The following RFLNA variants were observed in gnomAD, a reference collection of about 807,000 sequenced individuals.
The protein encoded by RFLNA is refilin-A.
Under a neutral mutation model 7.8 loss-of-function variants are expected in RFLNA, and 5 were observed. The observed-to-expected ratio is 0.64, with a 90% CI of 0.34 to 1.35. RFLNA has a LOEUF of 1.35. RFLNA is among the 40% of genes most tolerant of loss of function. RFLNA has a pLI of 0.04. For missense variants in RFLNA, 278 were observed against 305.5 expected, an observed-to-expected ratio of 0.91 and a Z score of 0.67; for synonymous variants, 141 against 131.3, an observed-to-expected ratio of 1.07 and a Z score of -0.50.
At chr12:124,308,733 T>C (rs2034181744) in intron 1 of RFLNA, among the ~76,000 whole-genome samples, 1 of 152,192 alleles carries the variant, frequency 6.6e-6, no homozygotes, top group Non-Finnish European at 1.5e-5. Flanking sequence ...CCTGAGTGGC[T>C]CTGGGAGGAG....
rs1001651994 is a variant in RFLNA at position 124,307,507 on chromosome 12, C to T, written c.208-4311C>T. On this transcript the variant is annotated intron_variant, in intron 1 of 2. Transcript: ENST00000546355. Reference sequence around the variant, plus strand: ...GGTCACAGCTGTGCCGTCGCCTTGCCTGGCTGACACCTGCTTAGCCCCTCT... The same window carrying T: ...GGTCACAGCTGTGCCGTCGCCTTGCTTGGCTGACACCTGCTTAGCCCCTCT... 3.3e-5 allele frequency among the ~76,000 whole-genome samples: 5 copies of T among 152,208 alleles called. No individual in the cohort carries two copies. The South Asian group carries it at 6.2e-4, about 19-fold the overall frequency.
chr12:124,314,469 C>A lies in RFLNA; in HGVS notation c.595C>A (p.Gln199Lys), dbSNP rs2034313247. ...RPSRWFTASV[Q>K]LQLCQDPAPS... Reference sequence around the variant, plus strand: ...CAGCCGCTGGTTCACCGCCAGCGTGCAGCTGCAGCTTTGCCAGGACCCTGC... The same window carrying A: ...CAGCCGCTGGTTCACCGCCAGCGTGAAGCTGCAGCTTTGCCAGGACCCTGC... Residue 199 changes from glutamine (Q) to lysine (K), a missense_variant, in exon 3 of 3, where the codon CAG (glutamine) becomes AAG (lysine). Gln to Lys is a moderately conservative substitution (Grantham distance 53). Coordinates refer to ENST00000546355, the MANE Select transcript of RFLNA (RefSeq NM_001365156.1). 1 of 1,599,018 alleles carries A rather than the reference C, an allele frequency of 6.3e-7. No homozygotes were observed. Among genetic ancestry groups the A allele is most frequent in the Non-Finnish European group, 8.5e-7 (1 of 1,179,286 alleles).
chr12:124,296,141 C>CTTTCTTTCTTTCTTTCTTTTT (rs1310025934), intron 1 of RFLNA, among the ~76,000 whole-genome samples: 1 of 496 alleles, frequency 2.0e-3, no homozygotes, highest in African/African-American at 2.4e-3. Flanking sequence ...TCTCTCTCTT[C>CTTTCTTTCTTTCTTTCTTTTT]TTCTCTTCTC....
rs1271180975 is a variant in RFLNA, at chr12:124,295,522, C to T, written c.93C>T (p.Pro31=). 2 of 1,261,396 alleles carry T rather than the reference C, an allele frequency of 1.6e-6. No individual in the cohort carries two copies. Among genetic ancestry groups the T allele is most frequent in the Non-Finnish European group, 2.0e-6 (2 of 1,004,600 alleles). The allele number at this position is 1,261,396 out of a possible 1,614,324, so 78.1% of individuals were successfully genotyped here. Residue 31 remains proline, a synonymous_variant, in exon 1 of 3, where the codon CCC becomes CCT. Transcript: ENST00000546355. ...GLLDSPDSGL[P]PSPSPSPPFY... Reference sequence around the variant, plus strand: ...TGGACAGCCCCGACTCCGGGCTGCCCCCCAGCCCCAGCCCCAGCCCGCCCT... The same window carrying T: ...TGGACAGCCCCGACTCCGGGCTGCCTCCCAGCCCCAGCCCCAGCCCGCCCT...
intron 1 of RFLNA, among the ~76,000 whole-genome samples, chr12:124,304,497 G>A (rs375547710): frequency 5.9e-5 from 9 of 152,224 alleles, no homozygotes; most frequent in Non-Finnish European, 7.3e-5. Context: ...GAGCGGGACC[G>A]GGCGGAAAGG....
intron 1 of RFLNA, among the ~76,000 whole-genome samples, chr12:124,302,305 A>G (rs527474948): frequency 2.4e-4 from 36 of 152,212 alleles, no homozygotes; most frequent in African/African-American, 8.7e-4. Context: ...CCATCTCAGG[A>G]GGGAGCCCAG....
At position 124,314,195 on chromosome 12, in the gene RFLNA, CA is replaced by C; in HGVS notation, c.323del (p.Asn108ThrfsTer46). On this transcript the variant is annotated frameshift_variant, in exon 3 of 3. Transcript: ENST00000546355. LOFTEE classifies it low-confidence loss of function (END_TRUNC). Reference sequence around the variant, plus strand: ...GCTTCCCTCCTGCCCTTTCCAGCTGCAACTCTGAGGTCAAGTACGCCTCGGA... The same window carrying C: ...GCTTCCCTCCTGCCCTTTCCAGCTGCACTCTGAGGTCAAGTACGCCTCGGA... ...NPEPTHEIRCNSEVKYASEKH... is the reference protein window; with the variant it reads ...NPEPTHEIRCXSEVKYASEKH... 6.2e-7 allele frequency: 1 copy of C among 1,609,292 alleles called. No homozygotes were observed. Among genetic ancestry groups the C allele is most frequent in the Non-Finnish European group, 8.5e-7 (1 of 1,176,754 alleles).
chr12:124,308,661 C>T (rs1354468869), intron 1 of RFLNA, among the ~76,000 whole-genome samples: 1 of 152,270 alleles, frequency 6.6e-6, no homozygotes, highest in Non-Finnish European at 1.5e-5. Context: ...ACCTCCATCT[C>T]TCCCCATTTT....
intron 1 of RFLNA, among the ~76,000 whole-genome samples, chr12:124,307,695 C>T (rs1221335110): frequency 6.6e-6 from 1 of 152,192 alleles, no homozygotes; most frequent in Admixed American, 6.5e-5. Context: ...CCCCAGGGTT[C>T]GGGCTTGTCG....
chr12:124,313,914 C>T (rs1235435652), intron 2 of RFLNA, among the ~76,000 whole-genome samples: 1 of 152,214 alleles, frequency 6.6e-6, no homozygotes, highest in Admixed American at 6.5e-5. Context: ...TTTCACCCAT[C>T]GTCCCGATAA....
In RFLNA at chr12:124,311,856, G is replaced by A; in HGVS notation, c.246G>A (p.Met82Ile). Residue 82 changes from methionine (M) to isoleucine (I), a missense_variant, in exon 2 of 3, where the codon ATG becomes ATA. Met to Ile is a conservative substitution (Grantham distance 10). Coordinates refer to ENST00000546355, the MANE Select transcript of RFLNA (RefSeq NM_001365156.1). ...TCCCAAATCCCCCGGCGTCGGAGAT[G>A]AGGCCCCGGATGCTGCCAGTGTTCT... ...SQLPNPPASE[M>I]RPRMLPVFFG... 6.2e-7 allele frequency: 1 copy of A among 1,600,728 alleles called. No homozygotes were observed. The highest frequency in any genetic ancestry group is 8.5e-7 in the Non-Finnish European group (1 of 1,174,056).
In RFLNA at chr12:124,304,134, C is replaced by A. The variant is rs140172003; in HGVS notation, c.208-7684C>A. ...AGGCTGGCTGGAGTCCACAGGGCGC[C>A]ACGACCGTTTCGATGTTCGAATAGC... On this transcript the variant is annotated intron_variant, in intron 1 of 2. Transcript: ENST00000546355. 3.5e-3 allele frequency among the ~76,000 whole-genome samples: 533 copies of A among 152,352 alleles called. 2 individuals carry two copies. The highest frequency in any genetic ancestry group is 0.012 in the African/African-American group (501 of 41,594).
At chr12:124,303,273 G>A (rs989105826) in intron 1 of RFLNA, among the ~76,000 whole-genome samples, 1 of 152,156 alleles carries the variant, frequency 6.6e-6, no homozygotes, top group Non-Finnish European at 1.5e-5. Context: ...GGGGAGCTCC[G>A]AGGAGCCCCT....
upstream of RFLNA, among the ~76,000 whole-genome samples, chr12:124,291,493 T>C (rs973266310): frequency 1.3e-5 from 2 of 152,066 alleles, no homozygotes; most frequent in African/African-American, 2.4e-5. Context: ...CTGACCTCAG[T>C]TGATCCACGC....
chr12:124,312,586 C>T (rs2034265159), intron 2 of RFLNA, among the ~76,000 whole-genome samples: 1 of 152,184 alleles, frequency 6.6e-6, no homozygotes, highest in Admixed American at 6.5e-5. Context: ...GCTGGGATGA[C>T]AGGTGTGAGT....
At chr12:124,310,433 G>A (rs1054364763) in intron 1 of RFLNA, among the ~76,000 whole-genome samples, 1 of 150,650 alleles carries the variant, frequency 6.6e-6, no homozygotes, top group East Asian at 2.0e-4. Flanking sequence ...GAGGCTGCAG[G>A]GGCCAGAGGT....
chr12:124,300,916 G>GTGGA (rs57838924), intron 1 of RFLNA, among the ~76,000 whole-genome samples: 23,488 of 144,972 alleles, frequency 0.16, 2,170 homozygotes, highest in East Asian at 0.44. Flanking sequence ...GGGCAGAAGG[G>GTGGA]TGGATGGATG....
chr12:124,312,294 T>C (rs2034259496), intron 2 of RFLNA, among the ~76,000 whole-genome samples: 1 of 149,544 alleles, frequency 6.7e-6, no homozygotes, highest in African/African-American at 2.5e-5. Flanking sequence ...GCACCCTAAC[T>C]CTACCTCCCT....
intron 1 of RFLNA, chr12:124,311,572 T>G (rs1441757297): frequency 2.5e-6 from 1 of 394,978 alleles, no homozygotes; most frequent in Non-Finnish European, 4.5e-6. Flanking sequence ...TGTTGAGAAC[T>G]GGGAGCTGGA....
Sources: allele counts gnomAD v4.1 joint callset (sites outside exome capture counted in the v4.1 genomes callset), GRCh38; gene constraint gnomAD v4.1.1; transcripts MANE v1.5; gene names NCBI Gene and HGNC (gene_info 2026-07-23, HGNC 2026-07-21).